The following NAALADL2 variants were observed in gnomAD, a reference collection of about 807,000 sequenced individuals.
NAALADL2 encodes inactive N-acetylated-alpha-linked acidic dipeptidase-like protein 2.
NAALADL2 carries 76 observed loss-of-function variants against 87.2 expected under a neutral mutation model. That is an observed-to-expected ratio of 0.87 (90% CI 0.72 to 1.05). The LOEUF (loss-of-function observed/expected upper bound fraction) is 1.05. NAALADL2 is among the 50% of genes least tolerant of loss of function. NAALADL2 has a pLI of 0.00. For synonymous variants in NAALADL2, 354 were observed against 331.0 expected (o/e 1.07, Z -0.75); for missense variants, 1,089 against 945.8 (o/e 1.15, Z -1.99).
chr3:175,792,853 G>C (rs35085826), intron 13 of NAALADL2, among the ~76,000 whole-genome samples: 6,246 of 152,230 alleles, frequency 0.041, 146 homozygotes, highest in Middle Eastern at 0.068. Context: ...TCTTAAGACT[G>C]ATTTCCTCCT....
chr3:174,712,678 G>A lies in NAALADL2; in HGVS notation c.-114-24963G>A, dbSNP rs932190629. 2.6e-5 allele frequency among the ~76,000 whole-genome samples: 4 copies of A among 151,896 alleles called. No individual in the cohort carries two copies. The East Asian group carries it at 5.8e-4, about 22-fold the overall frequency. ...TGGGATTACAGGCGTCAGCTACCGC[G>A]CTCGGCCTCACTTCTACTCTTAACC... On this transcript the variant is annotated intron_variant, in intron 2 of 3. Coordinates refer to the NAALADL2 transcript ENST00000434257.
At chr3:175,741,290 T>C (rs748476544) in intron 12 of NAALADL2, among the ~76,000 whole-genome samples, 65 of 152,172 alleles carry the variant, frequency 4.3e-4, no homozygotes, top group Non-Finnish European at 7.8e-4. Context: ...TAACTTCACA[T>C]GGTAGAAGGG....
chr3:175,423,153 T>C (rs910107489), intron 5 of NAALADL2, among the ~76,000 whole-genome samples: 1 of 81,630 alleles, frequency 1.2e-5, no homozygotes, highest in Admixed American at 1.6e-4. Context: ...CTAAGGTAAA[T>C]GTTCTAAGAA....
chr3:175,619,064 G>A (rs1725781179), intron 10 of NAALADL2, among the ~76,000 whole-genome samples: 1 of 152,124 alleles, frequency 6.6e-6, no homozygotes, highest in Admixed American at 6.5e-5. Context: ...AGGCGCCTCT[G>A]GAGGGTGTAT....
intron 3 of NAALADL2, among the ~76,000 whole-genome samples, chr3:174,783,970 C>A (rs1369314055): frequency 6.6e-6 from 1 of 152,052 alleles, no homozygotes; most frequent in African/African-American, 2.4e-5. Context: ...GATATATTAA[C>A]TAAAGAATAT....
intron 1 of NAALADL2, among the ~76,000 whole-genome samples, chr3:174,506,228 T>TGGA (rs952448059): frequency 6.6e-5 from 10 of 151,806 alleles, no homozygotes; most frequent in Non-Finnish European, 1.2e-4. Flanking sequence ...TTTCCCAGGC[T>TGGA]GGAGTGCAGT....
chr3:175,316,300 C>T (rs1456000010), intron 4 of NAALADL2, among the ~76,000 whole-genome samples: 5 of 152,090 alleles, frequency 3.3e-5, no homozygotes, highest in South Asian at 2.1e-4. Flanking sequence ...AGTCTGTGCA[C>T]GGTATTCCCT....
intron 5 of NAALADL2, among the ~76,000 whole-genome samples, chr3:175,379,536 T>TC (rs1379067234): frequency 6.6e-6 from 1 of 151,874 alleles, no homozygotes; most frequent in East Asian, 1.9e-4. Context: ...TTTTGTTTTT[T>TC]TTTTTTCCTT....
chr3:175,241,028 T>TA (rs1228139877), intron 3 of NAALADL2, among the ~76,000 whole-genome samples: 2 of 152,128 alleles, frequency 1.3e-5, no homozygotes, highest in Admixed American at 6.5e-5. Context: ...TTTTCTATTG[T>TA]AAAAATCCAT....
At chr3:174,660,383 G>A (rs997577562) in intron 2 of NAALADL2, among the ~76,000 whole-genome samples, 1 of 152,074 alleles carries the variant, frequency 6.6e-6, no homozygotes, top group African/African-American at 2.4e-5. Flanking sequence ...GATACCGTAT[G>A]ATTGGTTATC....
chr3:175,333,420 T>C lies in NAALADL2; in HGVS notation c.1090+9095T>C, dbSNP rs1047238929. On this transcript the variant is annotated intron_variant, in intron 5 of 13. Coordinates refer to ENST00000454872, the MANE Select transcript of NAALADL2 (RefSeq NM_207015.3). ...CCCCAGGTGGTGGCTGTAAGCAAGATAGCTTATCCTCAAGGTGCTTGGATA... is the reference window on the plus strand; with the variant it reads ...CCCCAGGTGGTGGCTGTAAGCAAGACAGCTTATCCTCAAGGTGCTTGGATA... Among the ~76,000 whole-genome samples the C allele has an allele frequency of 4.6e-5, 7 of 152,144 alleles. No homozygotes were observed. In the East Asian group the frequency reaches 9.6e-4, roughly 21 times the overall value.
chr3:174,814,022 G>A (rs1189572374), intron 3 of NAALADL2, among the ~76,000 whole-genome samples: 2 of 152,036 alleles, frequency 1.3e-5, no homozygotes, highest in South Asian at 2.1e-4. Context: ...TCATATAGAA[G>A]TTTAATAGAA....
chr3:174,523,759 A>G (rs1258212548), intron 1 of NAALADL2, among the ~76,000 whole-genome samples: 1 of 152,140 alleles, frequency 6.6e-6, no homozygotes, highest in East Asian at 1.9e-4. Context: ...TTCCTTATTT[A>G]TGACTTTACT....
intron 1 of NAALADL2, among the ~76,000 whole-genome samples, chr3:175,049,691 G>T (rs907592603): frequency 6.6e-6 from 1 of 152,146 alleles, no homozygotes; most frequent in African/African-American, 2.4e-5. Flanking sequence ...AAAGGGGATT[G>T]ATCCCTAGCT....
intron 5 of NAALADL2, among the ~76,000 whole-genome samples, chr3:175,338,616 ACC>A (rs1405347719): frequency 2.0e-5 from 1 of 51,070 alleles, no homozygotes. Flanking sequence ...AAAAAAAAAC[ACC>A]ACAAACACAC....
chr3:174,611,361 C>A (rs186010604), intron 2 of NAALADL2, among the ~76,000 whole-genome samples: 1 of 152,018 alleles, frequency 6.6e-6, no homozygotes, highest in Non-Finnish European at 1.5e-5. Context: ...CTAATACACA[C>A]TCTACAACTT....
intron 1 of NAALADL2, among the ~76,000 whole-genome samples, chr3:174,461,118 T>C (rs1021523923): frequency 6.6e-6 from 1 of 152,070 alleles, no homozygotes; most frequent in Admixed American, 6.6e-5. Flanking sequence ...TGAGATAATA[T>C]ATGTGAAGAT....
intron 11 of NAALADL2, among the ~76,000 whole-genome samples, chr3:175,729,264 A>T (rs1743346038): frequency 6.6e-6 from 1 of 152,152 alleles, no homozygotes; most frequent in Non-Finnish European, 1.5e-5. Context: ...TCTCCCCCAT[A>T]GCATGGTAAT....
chr3:175,428,163 TA>T (rs976934970), intron 5 of NAALADL2, among the ~76,000 whole-genome samples: 8 of 152,106 alleles, frequency 5.3e-5, no homozygotes, highest in Non-Finnish European at 1.0e-4. Flanking sequence ...CTTATATTTA[TA>T]AAAAAACTAC....
Sources: allele counts gnomAD v4.1 joint callset (sites outside exome capture counted in the v4.1 genomes callset), GRCh38; gene constraint gnomAD v4.1.1; transcripts MANE v1.5; gene names NCBI Gene and HGNC (gene_info 2026-07-23, HGNC 2026-07-21).